The following SEC11A variants were observed in gnomAD, a reference collection of about 807,000 sequenced individuals.
SEC11A encodes SEC11 homolog A, signal peptidase complex subunit, also known as signal peptidase complex catalytic subunit SEC11A.
Under a neutral mutation model 25.6 loss-of-function variants are expected in SEC11A, and 14 were observed. The observed-to-expected ratio is 0.55, with a 90% CI of 0.36 to 0.85. The LOEUF (loss-of-function observed/expected upper bound fraction) is 0.85. Ranked by LOEUF, SEC11A falls within the 40% of genes least tolerant of loss-of-function variation. The pLI is 0.01. For synonymous variants in SEC11A, 83 were observed against 76.4 expected (o/e 1.09, Z -0.45); for missense variants, 153 against 222.9 (o/e 0.69, Z 2.00).
At chr15:84,698,649 C>T (rs750496548) in intron 1 of SEC11A, among the ~76,000 whole-genome samples, 33 of 152,170 alleles carry the variant, frequency 2.2e-4, no homozygotes, top group Non-Finnish European at 4.3e-4. Context: ...ACAATTTTCA[C>T]TTTAAAAATC....
chr15:84,696,134 C>A (rs1044229874), intron 1 of SEC11A, among the ~76,000 whole-genome samples: 1 of 152,064 alleles, frequency 6.6e-6, no homozygotes, highest in Non-Finnish European at 1.5e-5. Flanking sequence ...GATGTGAGCA[C>A]ATGGATAATC....
rs1897971245 is a variant in SEC11A, at chr15:84,702,313, T to C, written c.52-10669A>G. ...CCATCTCTACTAAAAATACAAAAATTAGCTGGGCGTGGTGGCGGGCACCCG... is the reference window on the plus strand; with the variant it reads ...CCATCTCTACTAAAAATACAAAAATCAGCTGGGCGTGGTGGCGGGCACCCG... On this transcript the variant is annotated intron_variant, in intron 1 of 5. Transcript: ENST00000268220. 3.3e-5 allele frequency among the ~76,000 whole-genome samples: 5 copies of C among 150,944 alleles called. No individual in the cohort carries two copies. The Middle Eastern group carries it at 0.017, about 524-fold the overall frequency.
intron 2 of SEC11A, among the ~76,000 whole-genome samples, chr15:84,689,843 A>G (rs1235270763): frequency 2.6e-5 from 4 of 152,110 alleles, no homozygotes; most frequent in African/African-American, 9.7e-5. Flanking sequence ...CCTAGCCTCA[A>G]GTGATCTGCC....
chr15:84,712,154 T>C (rs8027779), intron 1 of SEC11A, among the ~76,000 whole-genome samples: 80,429 of 151,658 alleles, frequency 0.53, 22,300 homozygotes, highest in East Asian at 0.8. Context: ...GGTGGGAGGA[T>C]TGCCTGAGCC....
chr15:84,694,692 G>C (rs1396221007), intron 1 of SEC11A, among the ~76,000 whole-genome samples: 1 of 152,090 alleles, frequency 6.6e-6, no homozygotes, highest in Non-Finnish European at 1.5e-5. Flanking sequence ...GCTAGGCACA[G>C]AGACTCATGC....
In SEC11A at chr15:84,679,604, T is replaced by C. The variant is rs576909077; in HGVS notation, c.431+1109A>G. 5.3e-5 allele frequency among the ~76,000 whole-genome samples: 8 copies of C among 152,358 alleles called. No individual in the cohort carries two copies. The East Asian group carries it at 5.8e-4, about 11-fold the overall frequency. ...GGTTCTGACAGTGGCAAAAGTGCCA[T>C]GTGGCATCTAACTAGTGAGAATTAG... On this transcript the variant is annotated intron_variant, in intron 4 of 5. Coordinates refer to ENST00000268220, the MANE Select transcript of SEC11A (RefSeq NM_014300.4).
chr15:84,700,040 C>T (rs1897883874), intron 1 of SEC11A, among the ~76,000 whole-genome samples: 1 of 151,926 alleles, frequency 6.6e-6, no homozygotes, highest in African/African-American at 2.4e-5. Context: ...CTAAAGGCCG[C>T]TCTGGATCCA....
chr15:84,692,886 C>T (rs1221837946), intron 1 of SEC11A, among the ~76,000 whole-genome samples: 1 of 152,204 alleles, frequency 6.6e-6, no homozygotes, highest in African/African-American at 2.4e-5. Flanking sequence ...TACTCTGTTG[C>T]CCAGGCTGGA....
intron 3 of SEC11A, chr15:84,686,952 A>C (rs1003861655): frequency 2.0e-5 from 3 of 152,164 alleles, no homozygotes; most frequent in African/African-American, 7.2e-5. Flanking sequence ...GGCTCACTGC[A>C]ACCTCCACCT....
chr15:84,674,672 C>T (rs990565541), intron 4 of SEC11A, among the ~76,000 whole-genome samples: 1 of 152,166 alleles, frequency 6.6e-6, no homozygotes, highest in East Asian at 1.9e-4. Flanking sequence ...AATCCTCCCA[C>T]CTCAGCCTCC....
intron 4 of SEC11A, among the ~76,000 whole-genome samples, chr15:84,676,310 CA>C (rs1567033736): frequency 6.6e-6 from 1 of 151,594 alleles, no homozygotes; most frequent in Non-Finnish European, 1.5e-5. Flanking sequence ...ACTAAAAATA[CA>C]AAAAATTAGG....
intron 1 of SEC11A, among the ~76,000 whole-genome samples, chr15:84,693,751 G>A (rs115776996): frequency 7.3e-4 from 111 of 152,228 alleles, no homozygotes; most frequent in African/African-American, 2.4e-3. Flanking sequence ...GTGAGCCACT[G>A]TACCCGGCCT....
At chr15:84,713,988 A>C (rs1206116465) in intron 1 of SEC11A, among the ~76,000 whole-genome samples, 1 of 150,200 alleles carries the variant, frequency 6.7e-6, no homozygotes, top group Non-Finnish European at 1.5e-5. Flanking sequence ...GTAAGACCTG[A>C]GATCAAATCC....
chr15:84,701,476 T>A (rs1018168320), intron 1 of SEC11A, among the ~76,000 whole-genome samples: 3 of 151,862 alleles, frequency 2.0e-5, no homozygotes, highest in Non-Finnish European at 4.4e-5. Context: ...TAATAGATAC[T>A]TATATTTTAT....
At chr15:84,677,272 C>CA in intron 4 of SEC11A, among the ~76,000 whole-genome samples, 1 of 151,586 alleles carries the variant, frequency 6.6e-6, no homozygotes, top group East Asian at 1.9e-4. Context: ...GAGGTACAAT[C>CA]AATGGAAAGT....
chr15:84,700,984 C>CAAA (rs57015135), intron 1 of SEC11A, among the ~76,000 whole-genome samples: 39 of 77,998 alleles, frequency 5.0e-4, no homozygotes, highest in African/African-American at 1.3e-3. Context: ...AACTCCATAT[C>CAAA]AAAAAAAAAA....
At chr15:84,703,238 C>T (rs1460190860) in intron 1 of SEC11A, among the ~76,000 whole-genome samples, 3 of 152,182 alleles carry the variant, frequency 2.0e-5, no homozygotes, top group Non-Finnish European at 4.4e-5. Flanking sequence ...GACCTGAACT[C>T]CCTGACATGC....
chr15:84,676,106 C>T (rs1251516520), intron 4 of SEC11A, among the ~76,000 whole-genome samples: 1 of 152,150 alleles, frequency 6.6e-6, no homozygotes, highest in Non-Finnish European at 1.5e-5. Flanking sequence ...TGTGAATATA[C>T]TGAAACCCAC....
At chr15:84,687,450 A>C (rs1156317126) in intron 3 of SEC11A, among the ~76,000 whole-genome samples, 175 bp downstream of exon 3, 2 of 152,232 alleles carry the variant, frequency 1.3e-5, no homozygotes, top group African/African-American at 2.4e-5. Flanking sequence ...GAACTAATAA[A>C]TAATTATTTA....
Sources: gnomAD v4.1 joint callset for allele counts (sites outside exome capture counted in the v4.1 genomes callset) on GRCh38, gnomAD v4.1.1 for gene constraint, MANE v1.5 for transcripts, NCBI Gene and HGNC (gene_info 2026-07-23, HGNC 2026-07-21) for gene names.